Variants in PDCD6IP observed in about 807,000 individuals in gnomAD.
The protein encoded by PDCD6IP is programmed cell death 6 interacting protein.
PDCD6IP carries 43 observed loss-of-function variants against 103.7 expected under a neutral mutation model. That is an observed-to-expected ratio of 0.41 (90% CI 0.32 to 0.53). The LOEUF (loss-of-function observed/expected upper bound fraction) is 0.53, where lower values mean the gene tolerates loss of function less well. Among genes scored for constraint, PDCD6IP ranks in the 20% least tolerant of loss-of-function variants. The pLI is 0.16. For synonymous variants in PDCD6IP, 354 were observed against 378.7 expected, an observed-to-expected ratio of 0.93 and a Z score of 0.76; for missense variants, 871 against 1,036.7, an observed-to-expected ratio of 0.84 and a Z score of 2.20.
At chr3:33,857,367 G>A (rs1206502830) in intron 15 of PDCD6IP, among the ~76,000 whole-genome samples, 9 of 152,046 alleles carry the variant, frequency 5.9e-5, no homozygotes, top group African/African-American at 1.7e-4. Flanking sequence ...TTTTAGTAGA[G>A]ACAGGGTTTC....
At chr3:33,846,142 A>G (rs73826775) in intron 12 of PDCD6IP, among the ~76,000 whole-genome samples, 5,859 of 152,300 alleles carry the variant, frequency 0.038, 360 homozygotes, top group African/African-American at 0.13. Flanking sequence ...TTAATGACCT[A>G]TCACAGGGAG....
At chr3:33,820,811 C>G (rs1696975189) in intron 3 of PDCD6IP, among the ~76,000 whole-genome samples, 1 of 152,120 alleles carries the variant, frequency 6.6e-6, no homozygotes, top group South Asian at 2.1e-4. Context: ...ATCACAGACA[C>G]TTGGGTTGCT....
At chr3:33,814,511 AATT>A in intron 3 of PDCD6IP, among the ~76,000 whole-genome samples, 1 of 143,528 alleles carries the variant, frequency 7.0e-6, no homozygotes, top group East Asian at 2.0e-4. Flanking sequence ...TGCAATGAAT[AATT>A]ATATTATTAT....
intron 3 of PDCD6IP, among the ~76,000 whole-genome samples, chr3:33,820,318 C>T (rs1004017449): frequency 9.2e-5 from 14 of 152,004 alleles, no homozygotes; most frequent in Non-Finnish European, 2.1e-4. Context: ...CCATTCTTCC[C>T]TCCCCCCTCA....
chr3:33,806,713 G>A (rs1166204638), intron 1 of PDCD6IP, among the ~76,000 whole-genome samples: 1 of 152,202 alleles, frequency 6.6e-6, no homozygotes, highest in Non-Finnish European at 1.5e-5. Flanking sequence ...AGAGAAGGGT[G>A]TGGTAGATTC....
intron 1 of PDCD6IP, among the ~76,000 whole-genome samples, chr3:33,804,662 G>A (rs1388886958): frequency 6.6e-6 from 1 of 152,200 alleles, no homozygotes; most frequent in Non-Finnish European, 1.5e-5. Context: ...CTGTGTATCT[G>A]TAAGAAGAAT....
intron 12 of PDCD6IP, 95 bp from the exon 13 acceptor site, chr3:33,852,393 C>G: frequency 7.0e-7 from 1 of 1,434,784 alleles, no homozygotes; most frequent in Non-Finnish European, 9.1e-7. Context: ...ATCTCTCTCT[C>G]AGCCCGAATG....
intron 3 of PDCD6IP, among the ~76,000 whole-genome samples, chr3:33,820,360 G>A (rs1049733726): frequency 3.9e-5 from 6 of 152,046 alleles, no homozygotes; most frequent in African/African-American, 1.4e-4. Context: ...TTCAGTCTCT[G>A]AATTAAACTG....
intron 7 of PDCD6IP, among the ~76,000 whole-genome samples, chr3:33,833,494 T>C (rs1273969200): frequency 2.0e-5 from 3 of 151,732 alleles, no homozygotes; most frequent in South Asian, 4.1e-4. Flanking sequence ...TATAAATGTC[T>C]CAGTCTTGCT....
intron 4 of PDCD6IP, among the ~76,000 whole-genome samples, chr3:33,824,455 A>G (rs2125555660): frequency 6.6e-6 from 1 of 152,108 alleles, no homozygotes; most frequent in Non-Finnish European, 1.5e-5. Context: ...ACGGGGTTTC[A>G]TCATGTTGGC....
At chr3:33,807,324 G>C (rs1696620553) in intron 1 of PDCD6IP, among the ~76,000 whole-genome samples, 1 of 152,184 alleles carries the variant, frequency 6.6e-6, no homozygotes, top group Admixed American at 6.5e-5. Context: ...CACTCCAGTG[G>C]GTTAGCATTG....
intron 10 of PDCD6IP, 34 bp from the exon 11 acceptor site, chr3:33,844,078 G>A (rs758634016): frequency 7.8e-7 from 1 of 1,289,750 alleles, no homozygotes; most frequent in Non-Finnish European, 1.1e-6. Context: ...TACCAGAAAT[G>A]ACATTTCAGG....
Position 33,842,071 on chromosome 3 carries a change from T to G in PDCD6IP, c.1356T>G (p.Asp452Glu). ...ELLQRNREIL[D>E]ESLRLLDEEE... ...TGCAACGAAATAGAGAAATCCTAGA[T>G]GAGGTATGTTTTATAAGATTTGCTT... The change falls in exon 10 of 18, where the codon GAT becomes GAG. Residue 452 changes from aspartate (D) to glutamate (E), a missense_variant. Coordinates refer to ENST00000307296, the MANE Select transcript of PDCD6IP (RefSeq NM_013374.6). 1 of 1,604,944 alleles carries G rather than the reference T, an allele frequency of 6.2e-7. No homozygotes were observed. Among genetic ancestry groups the G allele is most frequent in the East Asian group, 2.2e-5 (1 of 44,816 alleles).
At chr3:33,820,710 T>G (rs1000375829) in intron 3 of PDCD6IP, among the ~76,000 whole-genome samples, 1 of 152,242 alleles carries the variant, frequency 6.6e-6, no homozygotes, top group Non-Finnish European at 1.5e-5. Context: ...TCAAGATTCA[T>G]CCGTGTTATA....
chr3:33,814,846 TTATTC>T (rs780421679), intron 3 of PDCD6IP, among the ~76,000 whole-genome samples: 1 of 144,282 alleles, frequency 6.9e-6, no homozygotes, highest in East Asian at 2.0e-4. Context: ...TATGCATGTA[TTATTC>T]ATATACATAT....
chr3:33,804,732 G>A (rs904779519), intron 1 of PDCD6IP, among the ~76,000 whole-genome samples: 1 of 152,186 alleles, frequency 6.6e-6, no homozygotes, highest in Non-Finnish European at 1.5e-5. Context: ...TGGCAGAACT[G>A]GACTAAGATC....
intron 10 of PDCD6IP, among the ~76,000 whole-genome samples, chr3:33,843,419 G>C (rs1697518867): frequency 7.3e-6 from 1 of 137,322 alleles, no homozygotes; most frequent in Non-Finnish European, 1.6e-5. Context: ...CTAGCTTGTG[G>C]CCTACTTTTT....
chr3:33,812,773 G>A (rs940855367), intron 2 of PDCD6IP, among the ~76,000 whole-genome samples: 8 of 152,150 alleles, frequency 5.3e-5, no homozygotes, highest in African/African-American at 1.7e-4. Flanking sequence ...GAAAAAAAGT[G>A]TAGGTGGCTG....
intron 4 of PDCD6IP, 47 bp from the exon 5 acceptor site, chr3:33,825,140 T>A (rs952214452): frequency 1.1e-5 from 16 of 1,510,144 alleles, no homozygotes; most frequent in Non-Finnish European, 1.4e-5. Flanking sequence ...AGTAGGAAAT[T>A]AAGTCTTGCT....
Sources: gnomAD v4.1 joint callset for allele counts (sites outside exome capture counted in the v4.1 genomes callset) on GRCh38, gnomAD v4.1.1 for gene constraint, MANE v1.5 for transcripts, NCBI Gene and HGNC (gene_info 2026-07-23, HGNC 2026-07-21) for gene names.